The following RPS6KA4 variants were observed in gnomAD, a reference collection of about 807,000 sequenced individuals.
RPS6KA4 encodes ribosomal protein S6 kinase alpha-4.
In RPS6KA4, 38 loss-of-function variants were observed where a neutral mutation model predicts 89.6. That is an observed-to-expected ratio of 0.42 (90% confidence interval 0.33 to 0.56). The LOEUF is 0.56. RPS6KA4 is among the 20% of genes least tolerant of loss of function. The pLI is 0.07. For synonymous variants in RPS6KA4, 495 were observed against 492.8 expected (o/e 1.00, Z -0.06); for missense variants, 873 against 1,098.8 (o/e 0.79, Z 2.90).
Position 64,369,464 on chromosome 11 carries a change from C to T in RPS6KA4, c.1447C>T (p.Leu483=). The T allele has an allele frequency of 6.2e-7, 1 of 1,607,420 alleles. No homozygotes were observed. Among genetic ancestry groups the T allele is most frequent in the Non-Finnish European group, 8.5e-7 (1 of 1,178,498 alleles). Residue 483 remains leucine (L), a synonymous_variant, in exon 13 of 17, where the codon CTG becomes TTG. Transcript: ENST00000334205. ...CCCGCAGCTGCACACGTACCTGGTC[C>T]TGGAGCTGCTGCGGGGCGGGGAGCT... ...HHDQLHTYLV[L]ELLRGGELLE...
chr11:64,369,398 T>C, intron 12 of RPS6KA4, 48 bp from the exon 13 acceptor site: 1 of 1,509,384 alleles, frequency 6.6e-7, no homozygotes, highest in Non-Finnish European at 8.9e-7. Flanking sequence ...GGGAGGGGGC[T>C]TGCCGCCGTG....
intron 8 of RPS6KA4, among the ~76,000 whole-genome samples, chr11:64,364,318 A>G (rs2036826276): frequency 6.6e-6 from 1 of 152,148 alleles, no homozygotes; most frequent in Non-Finnish European, 1.5e-5. Flanking sequence ...CTCCCTCTTC[A>G]GGATCTGTTC....
chr11:64,360,247 C>A lies in RPS6KA4; in HGVS notation c.212C>A (p.Ala71Glu). Residue 71 changes from alanine (A) to glutamate (E), a missense_variant, in exon 3 of 17, where the codon GCG becomes GAG. Physicochemically the swap from Ala to Glu is moderately radical, Grantham distance 107. This residue lies in a region of RPS6KA4 where 542 missense variants were observed against 736.4 expected (regional missense o/e 0.74). Coordinates refer to ENST00000334205, the MANE Select transcript of RPS6KA4 (RefSeq NM_003942.3). ...GCCATGAAGGTGCTGCGCAAGGCGGCGCTGGTGCAGCGCGCCAAGACGCAA... is the reference window on the plus strand; with the variant it reads ...GCCATGAAGGTGCTGCGCAAGGCGGAGCTGGTGCAGCGCGCCAAGACGCAA... The part of the protein sequence containing the change: ...LYAMKVLRKA[A>E]LVQRAKTQEH... 1 of 1,547,670 alleles carries A rather than the reference C, an allele frequency of 6.5e-7. No homozygotes were observed. Among genetic ancestry groups the A allele is most frequent in the Non-Finnish European group, 8.7e-7 (1 of 1,146,556 alleles).
Position 64,361,953 on chromosome 11 carries a change from G to C in RPS6KA4, c.857G>C (p.Gly286Ala). The change falls in exon 8 of 17, where the codon GGC becomes GCC. Residue 286 changes from glycine to alanine, a missense_variant. By Grantham distance (60) the Gly-to-Ala change is moderately conservative. Around this residue, in one of 4 missense-constraint regions of RPS6KA4, gnomAD observed 542 missense variants for 736.4 expected, o/e 0.74. Transcript: ENST00000334205. This position sits in a 1 kb window ranked among gnomAD's most constrained non-coding sequence, Gnocchi z 4.7. The stretch of plus-strand genomic sequence containing the variant: ...TGTAAGGATCCTAAGAAGCGATTGG[G>C]CGCGGGGCCCCAGGGGGCACAAGAA... ...LLCKDPKKRL[G>A]AGPQGAQEVR... 1.9e-6 allele frequency: 3 copies of C among 1,610,900 alleles called. No homozygotes were observed. The highest frequency in any genetic ancestry group is 2.5e-6 in the Non-Finnish European group (3 of 1,179,130).
At position 64,368,700 on chromosome 11, in the gene RPS6KA4, C is replaced by T. The variant is rs370970529; in HGVS notation, c.1335-4C>T. The T allele has an allele frequency of 3.2e-6, 5 of 1,577,040 alleles. No individual in the cohort carries two copies. The highest frequency in any genetic ancestry group is 2.6e-6 in the Non-Finnish European group (3 of 1,161,952). On this transcript the variant is annotated splice_polypyrimidine_tract_variant and splice_region_variant and intron_variant, in intron 11 of 16. Coordinates refer to ENST00000334205, the MANE Select transcript of RPS6KA4 (RefSeq NM_003942.3). ...ACCGTAACTCCTTCTGCTCCGTCCCCCAGGCTGGAGGCGAACACGCAGCGC... is the reference window on the plus strand; with the variant it reads ...ACCGTAACTCCTTCTGCTCCGTCCCTCAGGCTGGAGGCGAACACGCAGCGC...
rs769446137 is a variant in RPS6KA4, at chr11:64,368,460, GC to G, written c.1201-6del. 8.4e-6 allele frequency: 13 copies of G among 1,548,432 alleles called. No homozygotes were observed. The African/African-American group carries it at 1.8e-4, about 21-fold the overall frequency. On this transcript the variant is annotated splice_polypyrimidine_tract_variant and splice_region_variant and intron_variant, in intron 10 of 16. Transcript: ENST00000334205. Reference sequence around the variant, plus strand: ...CGCCTTCGCCTTCGCCTTCGCCTTCGCCTCCAGGACTCGCCCTTCTTCCAGC... The same window carrying G: ...CGCCTTCGCCTTCGCCTTCGCCTTCGCTCCAGGACTCGCCCTTCTTCCAGC...
At position 64,370,352 on chromosome 11, in the gene RPS6KA4, G is replaced by T; in HGVS notation, c.1925G>T (p.Gly642Val). The T allele has an allele frequency of 6.2e-7, 1 of 1,608,318 alleles. No individual in the cohort carries two copies. The highest frequency in any genetic ancestry group is 1.1e-5 in the South Asian group (1 of 90,618). Reference protein sequence around the residue: ...RFSLDGEAWQGVSEEAKELVR... With the variant: ...RFSLDGEAWQVVSEEAKELVR... ...TCCCTTGACGGGGAGGCCTGGCAGGGTGTATCCGAGGAAGCCAAGGAGCTG... is the reference window on the plus strand; with the variant it reads ...TCCCTTGACGGGGAGGCCTGGCAGGTTGTATCCGAGGAAGCCAAGGAGCTG... The change falls in exon 15 of 17, where the codon GGT becomes GTT. Residue 642 changes from glycine (G) to valine (V), a missense_variant. Transcript: ENST00000334205. The surrounding 1 kb of genome is among the most constrained non-coding windows in gnomAD (Gnocchi z 4.1).
rs1379567734 is a variant in RPS6KA4, at chr11:64,361,800, A to G, written c.756-52A>G. ...AGAGGGCTGCAGGGCCTGCCTGGGC[A>G]GGGCTGTGGGTGGGGGGCTTGCTGC... On this transcript the variant is annotated intron_variant, in intron 7 of 16. Transcript: ENST00000334205. The surrounding 1 kb of genome is among the most constrained non-coding windows in gnomAD (Gnocchi z 4.7). 6.3e-7 allele frequency: 1 copy of G among 1,586,550 alleles called. No individual in the cohort carries two copies. Among genetic ancestry groups the G allele is most frequent in the Non-Finnish European group, 8.6e-7 (1 of 1,169,170 alleles).
In RPS6KA4 at chr11:64,361,390, G is replaced by A. The variant is rs569721169; in HGVS notation, c.571-79G>A. On this transcript the variant is annotated intron_variant, in intron 5 of 16. Coordinates refer to ENST00000334205, the MANE Select transcript of RPS6KA4 (RefSeq NM_003942.3). The surrounding 1 kb of genome is among the most constrained non-coding windows in gnomAD (Gnocchi z 4.7). ...AGCTCTCCAACCTCACAAGTTGAGC[G>A]AGTCTTACTCTGGGCCTTGTGGGGC... 91 of 1,538,806 alleles carry A rather than the reference G, an allele frequency of 5.9e-5. No homozygotes were observed. The highest frequency in any genetic ancestry group is 1.2e-4 in the African/African-American group (9 of 73,282).
Position 64,359,212 on chromosome 11 carries a change from G to T in RPS6KA4, c.-24G>T. 1.5e-6 allele frequency: 2 copies of T among 1,318,186 alleles called. No individual in the cohort carries two copies. Among genetic ancestry groups the T allele is most frequent in the Non-Finnish European group, 9.8e-7 (1 of 1,025,344 alleles). 81.7% of individuals were successfully genotyped at this position (1,318,186 alleles called of 1,614,324 possible). A position where few individuals can be genotyped will look rare whatever the true frequency, so the allele number is the denominator to read the frequency against. On this transcript the variant is annotated 5_prime_UTR_variant, in exon 1 of 17. Coordinates refer to ENST00000334205, the MANE Select transcript of RPS6KA4 (RefSeq NM_003942.3). ...CGGCGCCGCCCGGAGCCCGAGCCGC[G>T]CGGGCCCCAGCGACCCGCCCGCCAT...
At position 64,365,405 on chromosome 11, in the gene RPS6KA4, G is replaced by T. The variant is rs1195026154; in HGVS notation, c.1011G>T (p.Arg337=). The T allele has an allele frequency of 5.6e-6, 9 of 1,613,954 alleles. No homozygotes were observed. The highest frequency in any genetic ancestry group is 2.7e-5 in the African/African-American group (2 of 74,926). ...GCAACTTTGCGGAGGAATTCACTCGGCTGGAGCCTGTCTACTCACCCCCTG... is the reference window on the plus strand; with the variant it reads ...GCAACTTTGCGGAGGAATTCACTCGTCTGGAGCCTGTCTACTCACCCCCTG... The part of the protein sequence containing the change: ...DVGNFAEEFT[R]LEPVYSPPGS... Residue 337 remains arginine, a synonymous_variant, in exon 9 of 17, where the codon CGG becomes CGT. Coordinates refer to ENST00000334205, the MANE Select transcript of RPS6KA4 (RefSeq NM_003942.3).
In RPS6KA4 at chr11:64,361,300, T is replaced by G. The variant is rs183593760; in HGVS notation, c.570+59T>G. Reference sequence around the variant, plus strand: ...ATTCAATCCTTCTCCTTCCTGCCTCTTCCTGCTCTGGGCCTGCATTCTGGG... The same window carrying G: ...ATTCAATCCTTCTCCTTCCTGCCTCGTCCTGCTCTGGGCCTGCATTCTGGG... On this transcript the variant is annotated intron_variant, in intron 5 of 16. Coordinates refer to ENST00000334205, the MANE Select transcript of RPS6KA4 (RefSeq NM_003942.3). This position sits in a 1 kb window ranked among gnomAD's most constrained non-coding sequence, Gnocchi z 4.7. 2.0e-4 allele frequency: 311 copies of G among 1,526,472 alleles called. No homozygotes were observed. The African/African-American group carries it at 3.6e-3, about 18-fold the overall frequency. 94.6% of individuals were successfully genotyped at this position (1,526,472 alleles called of 1,614,324 possible). A position where few individuals can be genotyped will look rare whatever the true frequency, so the allele number is the denominator to read the frequency against.
In RPS6KA4 at chr11:64,359,387, C is replaced by T. The variant is rs369313779; in HGVS notation, c.65C>T (p.Thr22Ile). ...VELRITEANLTGHEEKVSVEN... is the reference protein window; with the variant it reads ...VELRITEANLIGHEEKVSVEN... ...CCCCCTGTGCCCACAGCCAACCTGA[C>T]CGGGCACGAGGAGAAGGTGAGCGTG... The change falls in exon 2 of 17, where the codon ACC becomes ATC. Residue 22 changes from threonine to isoleucine, a missense_variant. Physicochemically the swap from Thr to Ile is moderately conservative, Grantham distance 89. Around this residue, in one of 4 missense-constraint regions of RPS6KA4, gnomAD observed 49 missense variants for 51.9 expected, o/e 0.94. Coordinates refer to ENST00000334205, the MANE Select transcript of RPS6KA4 (RefSeq NM_003942.3). 2 of 1,613,496 alleles carry T rather than the reference C, an allele frequency of 1.2e-6. No homozygotes were observed. The highest frequency in any genetic ancestry group is 1.7e-6 in the Non-Finnish European group (2 of 1,179,838).
Position 64,362,018 on chromosome 11 carries a change from G to A in RPS6KA4, c.906+16G>A. The A allele has an allele frequency of 3.7e-6, 6 of 1,604,542 alleles. No homozygotes were observed. The highest frequency in any genetic ancestry group is 5.1e-6 in the Non-Finnish European group (6 of 1,177,086). On this transcript the variant is annotated intron_variant, in intron 8 of 16. Coordinates refer to ENST00000334205, the MANE Select transcript of RPS6KA4 (RefSeq NM_003942.3). Reference sequence around the variant, plus strand: ...CTTCTTCCAGGTGAGGCTGACTCAGGGCCCCATACCTCCTGGTGCATACCC... The same window carrying A: ...CTTCTTCCAGGTGAGGCTGACTCAGAGCCCCATACCTCCTGGTGCATACCC...
rs554613525 is a variant in RPS6KA4 at position 64,369,334 on chromosome 11, G to A, written c.1429-112G>A. ...AAAGAAAGAAAAAGGACTTTGAGGA[G>A]GGGGTTCTCGAACATTGGCAGGGCC... On this transcript the variant is annotated intron_variant, in intron 12 of 16. Transcript: ENST00000334205. 16 of 1,144,258 alleles carry A rather than the reference G, an allele frequency of 1.4e-5. No individual in the cohort carries two copies. In the South Asian group the frequency reaches 2.6e-4, roughly 19 times the overall value. 70.9% of individuals were successfully genotyped at this position (1,144,258 alleles called of 1,614,324 possible).
rs2037045037 is a variant in RPS6KA4, at chr11:64,370,791, G to C, written c.2121+65G>C. On this transcript the variant is annotated intron_variant, in intron 16 of 16. Coordinates refer to ENST00000334205, the MANE Select transcript of RPS6KA4 (RefSeq NM_003942.3). This position sits in a 1 kb window ranked among gnomAD's most constrained non-coding sequence, Gnocchi z 4.1. ...GCCTCGAGAGGTGGGGTCTGGGGAG[G>C]CCCGGCCATCGGAGCACAGAAAGGC... is the stretch of plus-strand genomic sequence containing the variant. 2 of 1,446,562 alleles carry C rather than the reference G, an allele frequency of 1.4e-6. No individual in the cohort carries two copies. Among genetic ancestry groups the C allele is most frequent in the Non-Finnish European group, 1.8e-6 (2 of 1,099,612 alleles). 89.6% of individuals were successfully genotyped at this position (1,446,562 alleles called of 1,614,324 possible).
At position 64,361,636 on chromosome 11, in the gene RPS6KA4, C is replaced by T. The variant is rs200833713; in HGVS notation, c.652-6C>T. 1.9e-3 allele frequency: 3,100 copies of T among 1,613,166 alleles called. 34 individuals are homozygous for T. In the South Asian group the frequency reaches 0.023, roughly 12 times the overall value. Reference sequence around the variant, plus strand: ...TGCAGGCCCTCACCCCGGCTCCACCCGGCAGGCTGTGGACTGGTGGAGCCT... The same window carrying T: ...TGCAGGCCCTCACCCCGGCTCCACCTGGCAGGCTGTGGACTGGTGGAGCCT... On this transcript the variant is annotated splice_polypyrimidine_tract_variant and splice_region_variant and intron_variant, in intron 6 of 16. Coordinates refer to ENST00000334205, the MANE Select transcript of RPS6KA4 (RefSeq NM_003942.3). This position sits in a 1 kb window ranked among gnomAD's most constrained non-coding sequence, Gnocchi z 4.7.
At position 64,360,088 on chromosome 11, in the gene RPS6KA4, C is replaced by T. The variant is rs536174714; in HGVS notation, c.128-75C>T. 4.4e-4 allele frequency: 602 copies of T among 1,381,834 alleles called. 9 individuals carry two copies. The South Asian group carries it at 8.0e-3, about 18-fold the overall frequency. 85.6% of individuals were successfully genotyped at this position (1,381,834 alleles called of 1,614,324 possible). A position where few individuals can be genotyped will look rare whatever the true frequency, so the allele number is the denominator to read the frequency against. Reference sequence around the variant, plus strand: ...TCATTTGCACACCCTCCTGGGTTGGCATCGCCCCCACCCCCCAAGCCTGCA... The same window carrying T: ...TCATTTGCACACCCTCCTGGGTTGGTATCGCCCCCACCCCCCAAGCCTGCA... On this transcript the variant is annotated intron_variant, in intron 2 of 16. Coordinates refer to ENST00000334205, the MANE Select transcript of RPS6KA4 (RefSeq NM_003942.3).
In RPS6KA4 at chr11:64,360,144, C is replaced by T. The variant is rs1302906761; in HGVS notation, c.128-19C>T. The stretch of plus-strand genomic sequence containing the variant: ...CTCCCGCTCACAGCCCACCCTCCAC[C>T]CACTCGCTGCTCCCACAGCCTACGG... On this transcript the variant is annotated intron_variant, in intron 2 of 16. Transcript: ENST00000334205. 6.5e-7 allele frequency: 1 copy of T among 1,535,564 alleles called. No individual in the cohort carries two copies. The highest frequency in any genetic ancestry group is 1.2e-5 in the South Asian group (1 of 81,628).
Sources: gnomAD v4.1 joint callset for allele counts (sites outside exome capture counted in the v4.1 genomes callset) on GRCh38, gnomAD v4.1.1 for gene constraint, gnomAD v4.1.1 regional missense constraint, Gnocchi (gnomAD v3.1) non-coding constraint, MANE v1.5 for transcripts, NCBI Gene and HGNC (gene_info 2026-07-23, HGNC 2026-07-21) for gene names.